Variants in SH3GL3 observed in about 807,000 individuals in gnomAD.
SH3GL3 encodes endophilin-A3.
In SH3GL3, 33 loss-of-function variants were observed where a neutral mutation model predicts 47.7. That is an observed-to-expected ratio of 0.69 (90% CI 0.52 to 0.92). The LOEUF (loss-of-function observed/expected upper bound fraction) is 0.92, where lower values mean the gene tolerates loss of function less well. Ranked by LOEUF, SH3GL3 falls within the 40% of genes least tolerant of loss-of-function variation. The probability of loss-of-function intolerance (pLI) is 0.00; values close to 1 mark genes in which losing one functional copy is unlikely to be tolerated. For synonymous variants in SH3GL3, 155 were observed against 148.8 expected (o/e 1.04, Z -0.30); for missense variants, 363 against 417.8 (o/e 0.87, Z 1.14).
At chr15:83,629,200 G>C in the SH3GL3 span, among the ~76,000 whole-genome samples, 1 of 152,154 alleles carries the variant, frequency 6.6e-6, no homozygotes, top group East Asian at 1.9e-4. Flanking sequence ...TCCCAGCAGG[G>C]CTTTTTGTCA....
At chr15:83,561,058 C>G (rs2045244273) in intron 2 of SH3GL3, among the ~76,000 whole-genome samples, 1 of 152,072 alleles carries the variant, frequency 6.6e-6, no homozygotes, top group Non-Finnish European at 1.5e-5. Context: ...ATACCTCTCT[C>G]ATAAAATAAT....
At chr15:83,618,885 G>A (rs2151856217), downstream of SH3GL3, 1 of 152,680 alleles carries the variant, frequency 6.5e-6, no homozygotes, top group African/African-American at 2.4e-5. Context: ...CTTTCCACCT[G>A]ATTCAAACAT....
At chr15:83,624,873 T>TG in the SH3GL3 span, among the ~76,000 whole-genome samples, 7 of 152,142 alleles carry the variant, frequency 4.6e-5, no homozygotes, top group Admixed American at 6.5e-5. Flanking sequence ...CCTTTGGACT[T>TG]GGAGTGATTC....
At chr15:83,465,730 C>T (rs137893679) in intron 1 of SH3GL3, among the ~76,000 whole-genome samples, 1 of 152,098 alleles carries the variant, frequency 6.6e-6, no homozygotes, top group East Asian at 1.9e-4. Context: ...TTATTTTTTC[C>T]TATCACAAAT....
intron 6 of SH3GL3, among the ~76,000 whole-genome samples, chr15:83,585,051 G>T (rs1274994430): frequency 6.6e-6 from 1 of 152,204 alleles, no homozygotes; most frequent in South Asian, 2.1e-4. Flanking sequence ...TGACCTGGGG[G>T]ACAGCTGGAA....
At chr15:83,481,233 C>T (rs1844861) in intron 1 of SH3GL3, among the ~76,000 whole-genome samples, 45,209 of 149,022 alleles carry the variant, frequency 0.3, 7,160 homozygotes, top group Admixed American at 0.41. Context: ...CGAGATCCTG[C>T]CACTGCACTC....
At chr15:83,559,646 G>A (rs1442150234) in intron 2 of SH3GL3, among the ~76,000 whole-genome samples, 1 of 152,234 alleles carries the variant, frequency 6.6e-6, no homozygotes, top group African/African-American at 2.4e-5. Context: ...ATGTTTTGGA[G>A]AATCAAAATG....
intron 1 of SH3GL3, among the ~76,000 whole-genome samples, chr15:83,548,849 T>A (rs2044528307): frequency 2.0e-5 from 3 of 152,120 alleles, no homozygotes; most frequent in Admixed American, 1.3e-4. Flanking sequence ...TTATTGTCCA[T>A]CTCCTCTTCA....
chr15:83,559,329 C>A lies in SH3GL3; in HGVS notation c.114+8C>A, dbSNP rs747551703. 6.2e-6 allele frequency: 9 copies of A among 1,457,876 alleles called. No individual in the cohort carries two copies. The highest frequency in any genetic ancestry group is 7.7e-6 in the Non-Finnish European group (8 of 1,038,010). 90.3% of individuals were successfully genotyped at this position (1,457,876 alleles called of 1,614,324 possible). A position where few individuals can be genotyped will look rare whatever the true frequency, so the allele number is the denominator to read the frequency against. Reference sequence around the variant, plus strand: ...TTTCTTGACATGGAAAGGGTAAGAGCATTTTAATATGTAAATTGATTAGAA... The same window carrying A: ...TTTCTTGACATGGAAAGGGTAAGAGAATTTTAATATGTAAATTGATTAGAA... On this transcript the variant is annotated splice_region_variant and intron_variant, in intron 2 of 8. Coordinates refer to ENST00000427482, the MANE Select transcript of SH3GL3 (RefSeq NM_003027.5).
intron 8 of SH3GL3, among the ~76,000 whole-genome samples, chr15:83,597,816 G>C (rs888511718): frequency 6.6e-6 from 1 of 152,028 alleles, no homozygotes; most frequent in Non-Finnish European, 1.5e-5. Context: ...CACCATGTTG[G>C]CCAGGCTGGT....
At position 83,456,006 on chromosome 15, in the gene SH3GL3, G is replaced by T. The variant is rs372528373; in HGVS notation, c.45+8428G>T. ...GTTTTCGGTGTAGATGTCCTTTCTG[G>T]TTGTTAGTTTTCCTTCTAACAGACA... On this transcript the variant is annotated intron_variant, in intron 1 of 8. Transcript: ENST00000427482. Among the ~76,000 whole-genome samples the T allele has an allele frequency of 3.1e-4, 20 of 65,422 alleles. 1 individual carries two copies. Among genetic ancestry groups the T allele is most frequent in the African/African-American group, 1.0e-3 (19 of 18,700 alleles). 42.9% of individuals were successfully genotyped at this position (65,422 alleles called of 152,430 possible).
At chr15:83,581,101 C>T (rs1211019262) in intron 6 of SH3GL3, among the ~76,000 whole-genome samples, 3 of 152,192 alleles carry the variant, frequency 2.0e-5, no homozygotes, top group Non-Finnish European at 4.4e-5. Flanking sequence ...GTCTCATCAT[C>T]CTGGCTAAGA....
chr15:83,576,627 TA>T lies in SH3GL3; in HGVS notation c.515del (p.Lys172ArgfsTer4). 6.2e-7 allele frequency: 1 copy of T among 1,613,156 alleles called. No individual in the cohort carries two copies. The highest frequency in any genetic ancestry group is 8.5e-7 in the Non-Finnish European group (1 of 1,179,672). ...LEGRRLDYDY[K>X]KKRVGKIPDE... is the part of the protein sequence containing the mutation. Reference sequence around the variant, plus strand: ...AAGGCCGCCGCCTGGATTACGATTATAAAAAGAAACGAGTAGGTAAGATACC... The same window carrying T: ...AAGGCCGCCGCCTGGATTACGATTATAAAAGAAACGAGTAGGTAAGATACC... On this transcript the variant is annotated frameshift_variant, in exon 6 of 9. Transcript: ENST00000427482. LOFTEE classifies it high-confidence loss of function.
chr15:83,554,359 G>T (rs1040355210), intron 1 of SH3GL3, among the ~76,000 whole-genome samples: 1 of 151,916 alleles, frequency 6.6e-6, no homozygotes, highest in African/African-American at 2.4e-5. Context: ...AGCTAATTTT[G>T]TGTTTTTAGT....
At chr15:83,591,443 T>A (rs1490352232) in intron 8 of SH3GL3, among the ~76,000 whole-genome samples, 1 of 151,050 alleles carries the variant, frequency 6.6e-6, no homozygotes, top group Non-Finnish European at 1.5e-5. Flanking sequence ...CAGTGTGAAT[T>A]TTCTTCCAAC....
chr15:83,531,745 T>TCC (rs1307027517), intron 1 of SH3GL3, among the ~76,000 whole-genome samples: 1 of 152,092 alleles, frequency 6.6e-6, no homozygotes, highest in African/African-American at 2.4e-5. Flanking sequence ...TAGCCTGGAC[T>TCC]GAGGATATGT....
intron 6 of SH3GL3, among the ~76,000 whole-genome samples, chr15:83,578,236 G>A (rs1164436568): frequency 6.6e-6 from 1 of 152,164 alleles, no homozygotes; most frequent in Non-Finnish European, 1.5e-5. Context: ...GGGGCCATTG[G>A]CACTTTGACT....
intron 8 of SH3GL3, among the ~76,000 whole-genome samples, chr15:83,612,512 G>T (rs79177907): frequency 9.9e-5 from 15 of 152,182 alleles, no homozygotes; most frequent in African/African-American, 3.1e-4. Flanking sequence ...CACAGGGAGC[G>T]ACCAGCCTTC....
At chr15:83,510,363 C>T (rs12905964) in intron 1 of SH3GL3, among the ~76,000 whole-genome samples, 69,285 of 151,960 alleles carry the variant, frequency 0.46, 16,967 homozygotes, top group Admixed American at 0.61. Flanking sequence ...AAGCTGATGG[C>T]CCACTATATT....
Sources: gnomAD v4.1 joint callset for allele counts (sites outside exome capture counted in the v4.1 genomes callset) on GRCh38, gnomAD v4.1.1 for gene constraint, MANE v1.5 for transcripts, NCBI Gene and HGNC (gene_info 2026-07-23, HGNC 2026-07-21) for gene names.